ZNF423: variants seen among roughly 807,000 people sequenced by gnomAD.
The protein encoded by ZNF423 is Ebf-associated zinc finger protein.
A neutral mutation model predicts 95.8 loss-of-function variants in ZNF423; 12 were observed. The ratio of observed to expected loss-of-function variants is 0.13; its 90% CI spans 0.08 to 0.20. The LOEUF is 0.20. ZNF423 is among the 10% of genes least tolerant of loss of function. ZNF423 has a pLI of 1.00. For missense variants in ZNF423, 1,316 were observed against 1,737.1 expected (o/e 0.76, Z 4.31); for synonymous variants, 749 against 711.9 (o/e 1.05, Z -0.83).
chr16:49,567,875 TC>T (rs1970241876), intron 5 of ZNF423, among the ~76,000 whole-genome samples: 1 of 152,128 alleles, frequency 6.6e-6, no homozygotes, highest in African/African-American at 2.4e-5. Context: ...TTCCACTCAT[TC>T]CTGGAGGGGA....
At chr16:49,589,796 T>A (rs1471163949) in intron 5 of ZNF423, among the ~76,000 whole-genome samples, 1 of 151,966 alleles carries the variant, frequency 6.6e-6, no homozygotes, top group Non-Finnish European at 1.5e-5. Context: ...AGTGGGATAA[T>A]TACTTGGCTC....
rs150759221 is a variant in ZNF423, at chr16:49,667,620, G to A, written c.302-28746C>T. On this transcript the variant is annotated intron_variant, in intron 3 of 7. Coordinates refer to ENST00000563137, the MANE Select transcript of ZNF423 (RefSeq NM_001379286.1). Reference sequence around the variant, plus strand: ...CCGAGGGCTGGGCACAGTGGCCCATGCCTATAATCCCAGCACTTTGGGAAG... The same window carrying A: ...CCGAGGGCTGGGCACAGTGGCCCATACCTATAATCCCAGCACTTTGGGAAG... 5.0e-4 allele frequency among the ~76,000 whole-genome samples: 76 copies of A among 152,370 alleles called. 1 individual carries two copies. The East Asian group carries it at 0.011, about 22-fold the overall frequency.
chr16:49,628,424 A>C (rs1972382560), intron 4 of ZNF423, among the ~76,000 whole-genome samples: 1 of 151,170 alleles, frequency 6.6e-6, no homozygotes, highest in Non-Finnish European at 1.5e-5. Context: ...CCATCCACGC[A>C]TACACCCACC....
rs562489475 is a variant in ZNF423 at position 49,841,563 on chromosome 16, C to T, written c.40+14172G>A. ...GCTACTCTTGGTGTTGTGATTCCATCCCTCAGGGACCAAATAAAAAATGCT... is the reference window on the plus strand; with the variant it reads ...GCTACTCTTGGTGTTGTGATTCCATTCCTCAGGGACCAAATAAAAAATGCT... On this transcript the variant is annotated intron_variant, in intron 1 of 7. Transcript: ENST00000563137. Among the ~76,000 whole-genome samples the T allele has an allele frequency of 2.0e-5, 3 of 152,252 alleles. No individual in the cohort carries two copies. In the East Asian group the frequency reaches 5.8e-4, roughly 29 times the overall value.
At chr16:49,615,553 T>C (rs1202100783) in intron 5 of ZNF423, among the ~76,000 whole-genome samples, 3 of 151,966 alleles carry the variant, frequency 2.0e-5, no homozygotes, top group Non-Finnish European at 4.4e-5. Context: ...GGCTAGGCAG[T>C]CCCATGGTGG....
intron 1 of ZNF423, among the ~76,000 whole-genome samples, chr16:49,824,796 C>T (rs367867281): frequency 3.3e-5 from 5 of 152,314 alleles, no homozygotes; most frequent in East Asian, 3.9e-4. Context: ...CCAAATGCCA[C>T]GCTGCCCAGA....
intron 4 of ZNF423, among the ~76,000 whole-genome samples, chr16:49,628,298 A>T (rs1972378082): frequency 6.8e-6 from 1 of 147,678 alleles, no homozygotes; most frequent in African/African-American, 2.5e-5. Context: ...ACACACACAT[A>T]CCCATCTACC....
At chr16:49,748,498 G>A (rs376907616) in intron 2 of ZNF423, among the ~76,000 whole-genome samples, 5 of 152,122 alleles carry the variant, frequency 3.3e-5, no homozygotes, top group East Asian at 1.9e-4. Context: ...CCTAAAACGC[G>A]TCTTGGCCCC....
At chr16:49,823,707 C>T (rs1035713877) in intron 1 of ZNF423, among the ~76,000 whole-genome samples, 3 of 152,018 alleles carry the variant, frequency 2.0e-5, no homozygotes, top group African/African-American at 7.2e-5. Context: ...GGGTAATCTG[C>T]GAAGTTACCG....
At chr16:49,789,773 T>C (rs577071037) in intron 1 of ZNF423, among the ~76,000 whole-genome samples, 2 of 152,260 alleles carry the variant, frequency 1.3e-5, no homozygotes, top group East Asian at 1.9e-4. Flanking sequence ...GGATCAGTTA[T>C]GGTTTCCCCA....
At chr16:49,832,381 T>C (rs537063273) in intron 1 of ZNF423, among the ~76,000 whole-genome samples, 1 of 152,224 alleles carries the variant, frequency 6.6e-6, no homozygotes, top group Non-Finnish European at 1.5e-5. Flanking sequence ...GCCAGGAATG[T>C]TCTGAGCAAA....
In ZNF423 at chr16:49,570,022, C is replaced by T. The variant is rs531732674; in HGVS notation, c.3602-44528G>A. On this transcript the variant is annotated intron_variant, in intron 5 of 7. Coordinates refer to ENST00000563137, the MANE Select transcript of ZNF423 (RefSeq NM_001379286.1). ...CATCTGAGGTCTGCATTCTGACCCT[C>T]CTCACCTATGGAGCCTGCCTGCTCT... 1.2e-4 allele frequency among the ~76,000 whole-genome samples: 19 copies of T among 152,332 alleles called. No homozygotes were observed. In the South Asian group the frequency reaches 3.9e-3, roughly 32 times the overall value.
At position 49,700,210 on chromosome 16, in the gene ZNF423, AAAAAAAACAAG is replaced by A. The variant is rs1250542645; in HGVS notation, c.301+30550_301+30560del. On this transcript the variant is annotated intron_variant, in intron 3 of 7. Coordinates refer to ENST00000563137, the MANE Select transcript of ZNF423 (RefSeq NM_001379286.1). ...CCCAGGATTTCAAAAAAAAAAAAAA[AAAAAAAACAAG>A]AAGAAGAAGAAGAAAAAAAGAAAAA... Among the ~76,000 whole-genome samples, 113 of 135,516 alleles carry A rather than the reference AAAAAAAACAAG, an allele frequency of 8.3e-4. 2 individuals carry two copies. Among genetic ancestry groups the A allele is most frequent in the African/African-American group, 3.4e-3 (109 of 32,452 alleles). The allele number at this position is 135,516 out of a possible 152,430, so 88.9% of individuals were successfully genotyped here. A position where few individuals can be genotyped will look rare whatever the true frequency, so the allele number is the denominator to read the frequency against.
intron 2 of ZNF423, among the ~76,000 whole-genome samples, chr16:49,778,628 C>A (rs1468109355): frequency 4.6e-5 from 7 of 152,168 alleles, no homozygotes; most frequent in African/African-American, 1.7e-4. Context: ...CAGTTCCACC[C>A]CAAATCTGCA....
chr16:49,581,074 G>A (rs910620576), intron 5 of ZNF423, among the ~76,000 whole-genome samples: 2 of 152,122 alleles, frequency 1.3e-5, no homozygotes, highest in Non-Finnish European at 2.9e-5. Flanking sequence ...AAGAACCGTG[G>A]ACAAAAACAA....
At chr16:49,826,313 C>T (rs2144041142) in intron 1 of ZNF423, among the ~76,000 whole-genome samples, 1 of 152,314 alleles carries the variant, frequency 6.6e-6, no homozygotes, top group African/African-American at 2.4e-5. Flanking sequence ...TCAAAGAGAA[C>T]CTTCCAAGAT....
intron 3 of ZNF423, among the ~76,000 whole-genome samples, chr16:49,708,715 A>G (rs974904060): frequency 1.3e-5 from 2 of 152,102 alleles, no homozygotes; most frequent in African/African-American, 4.8e-5. Context: ...CCATGGATGT[A>G]CCTTCCCCTA....
At chr16:49,627,426 CAT>C in intron 4 of ZNF423, among the ~76,000 whole-genome samples, 1 of 150,162 alleles carries the variant, frequency 6.7e-6, no homozygotes, top group African/African-American at 2.5e-5. Flanking sequence ...ATCCATCCTC[CAT>C]CTACCCATCC....
rs151159967 is a variant in ZNF423, at chr16:49,754,560, C to T, written c.101-23589G>A. On this transcript the variant is annotated intron_variant, in intron 2 of 7. Transcript: ENST00000563137. The stretch of plus-strand genomic sequence containing the variant: ...CCAGAAGAGGCTTCCAGGTCCTCTT[C>T]CACTATGAAAGCTGTCAGGTCTGCC... 6.0e-3 allele frequency among the ~76,000 whole-genome samples: 913 copies of T among 152,274 alleles called. 13 individuals carry two copies. The highest frequency in any genetic ancestry group is 0.021 in the African/African-American group (881 of 41,544).
Sources: allele counts gnomAD v4.1 joint callset (sites outside exome capture counted in the v4.1 genomes callset), GRCh38; gene constraint gnomAD v4.1.1; transcripts MANE v1.5; gene names NCBI Gene and HGNC (gene_info 2026-07-23, HGNC 2026-07-21).